Variants in SLC44A5 observed in about 807,000 individuals in gnomAD.
SLC44A5 encodes solute carrier family 44 member 5, also known as choline transporter-like protein 5.
SLC44A5 carries 57 observed loss-of-function variants against 101.8 expected under a neutral mutation model. That is an observed-to-expected ratio of 0.56 (90% CI 0.45 to 0.70). The LOEUF is 0.70. Among genes scored for constraint, SLC44A5 ranks in the 30% least tolerant of loss-of-function variants. The pLI, the probability that SLC44A5 is intolerant of heterozygous loss-of-function variation, is 0.00. For synonymous variants in SLC44A5, 281 were observed against 290.9 expected, an observed-to-expected ratio of 0.97 and a Z score of 0.35; for missense variants, 737 against 853.1, an observed-to-expected ratio of 0.86 and a Z score of 1.70.
intron 1 of SLC44A5, among the ~76,000 whole-genome samples, chr1:75,565,748 T>A (rs1342531053): frequency 6.6e-6 from 1 of 152,222 alleles, no homozygotes; most frequent in African/African-American, 2.4e-5. Flanking sequence ...ATGAGGGTAA[T>A]AATTCCTGCC....
chr1:75,283,713 G>A (rs112418228), intron 5 of SLC44A5, among the ~76,000 whole-genome samples: 8,841 of 151,926 alleles, frequency 0.058, 299 homozygotes, highest in Middle Eastern at 0.12. Context: ...TCTTCTACAT[G>A]TGGCTTACCA....
At chr1:75,420,425 T>G (rs1425397962) in intron 2 of SLC44A5, among the ~76,000 whole-genome samples, 1 of 152,058 alleles carries the variant, frequency 6.6e-6, no homozygotes, top group African/African-American at 2.4e-5. Context: ...TAGGACAAAT[T>G]AATGAATGAA....
Position 75,564,431 on chromosome 1 carries a change from T to C in SLC44A5, c.-69-22915A>G, listed in dbSNP as rs1180124220. Among the ~76,000 whole-genome samples, 3 of 71,074 alleles carry C rather than the reference T, an allele frequency of 4.2e-5. No homozygotes were observed. The Admixed American group carries it at 5.7e-4, about 14-fold the overall frequency. 46.6% of individuals were successfully genotyped at this position (71,074 alleles called of 152,430 possible). A position where few individuals can be genotyped will look rare whatever the true frequency, so the allele number is the denominator to read the frequency against. On this transcript the variant is annotated intron_variant, in intron 1 of 23. Coordinates refer to ENST00000370859, the MANE Select transcript of SLC44A5 (RefSeq NM_001130058.2). ...TCCTCTCATAAGTCCCCCAAAAGGA[T>C]TTTTTTTGCAATCGTTTTTATTTTT...
In SLC44A5 at chr1:75,237,942, G is replaced by A. The variant is rs72682031; in HGVS notation, c.656+571C>T. The stretch of plus-strand genomic sequence containing the variant: ...TGTACACATTTATGTTTGTGCACAT[G>A]TGTGTATGCGTGCACACAGGGAAAT... On this transcript the variant is annotated intron_variant, in intron 10 of 23. Transcript: ENST00000370859. 3.0e-3 allele frequency among the ~76,000 whole-genome samples: 455 copies of A among 152,052 alleles called. 1 individual carries two copies. The highest frequency in any genetic ancestry group is 4.7e-3 in the Admixed American group (72 of 15,224).
At chr1:75,325,939 G>A (rs867854529) in intron 4 of SLC44A5, among the ~76,000 whole-genome samples, 1 of 151,948 alleles carries the variant, frequency 6.6e-6, no homozygotes, top group Non-Finnish European at 1.5e-5. Flanking sequence ...ATAGCCTGAA[G>A]ATAATTTTAT....
intron 2 of SLC44A5, among the ~76,000 whole-genome samples, chr1:75,455,355 A>G (rs1666129862): frequency 2.0e-5 from 3 of 152,156 alleles, no homozygotes; most frequent in Admixed American, 2.0e-4. Flanking sequence ...ACCATAGACA[A>G]AATTTAACTC....
At chr1:75,558,990 G>A (rs1038024115) in intron 1 of SLC44A5, among the ~76,000 whole-genome samples, 4 of 152,038 alleles carry the variant, frequency 2.6e-5, no homozygotes, top group Admixed American at 2.0e-4. Context: ...TGGTAGAAGT[G>A]CAGCTATTGA....
chr1:75,330,370 C>T (rs1360344292), intron 4 of SLC44A5, among the ~76,000 whole-genome samples: 2 of 151,896 alleles, frequency 1.3e-5, no homozygotes, highest in Non-Finnish European at 2.9e-5. Context: ...ATGGCCTTAC[C>T]TCATAATTTA....
intron 2 of SLC44A5, among the ~76,000 whole-genome samples, chr1:75,539,486 C>A (rs543213611): frequency 2.6e-4 from 40 of 152,204 alleles, no homozygotes; most frequent in Non-Finnish European, 4.4e-4. Flanking sequence ...CAAGTGTTGT[C>A]CTATGAGTGA....
intron 2 of SLC44A5, among the ~76,000 whole-genome samples, chr1:75,487,796 G>A (rs975395364): frequency 5.9e-5 from 9 of 152,118 alleles, no homozygotes; most frequent in African/African-American, 2.2e-4. Context: ...ATAGCCCAGG[G>A]GTCCCCAGTC....
Position 75,251,314 on chromosome 1 carries a change from A to T in SLC44A5, c.261-20T>A. The T allele has an allele frequency of 6.3e-7, 1 of 1,582,710 alleles. No homozygotes were observed. Among genetic ancestry groups the T allele is most frequent in the South Asian group, 1.1e-5 (1 of 89,618 alleles). On this transcript the variant is annotated intron_variant, in intron 6 of 23. Coordinates refer to ENST00000370859, the MANE Select transcript of SLC44A5 (RefSeq NM_001130058.2). ...TTGTTCCTGTTAAGAAAGAAAACAT[A>T]ATCTTTTTAGTGACCATGGAAATGT...
intron 5 of SLC44A5, among the ~76,000 whole-genome samples, chr1:75,287,549 T>C (rs1653170211): frequency 6.6e-6 from 1 of 151,844 alleles, no homozygotes; most frequent in Non-Finnish European, 1.5e-5. Flanking sequence ...AGAATTGTTT[T>C]TCTGGTTCCT....
chr1:75,282,342 A>G (rs1442773644), intron 5 of SLC44A5, among the ~76,000 whole-genome samples: 2 of 152,184 alleles, frequency 1.3e-5, no homozygotes, highest in African/African-American at 2.4e-5. Context: ...TATTATATCT[A>G]GGAAGTAATT....
the SLC44A5 span, among the ~76,000 whole-genome samples, chr1:75,711,703 C>T: frequency 3.9e-5 from 6 of 152,280 alleles, no homozygotes; most frequent in East Asian, 5.8e-4. Context: ...GTGACTCAGG[C>T]AAGAGATGTG....
the SLC44A5 span, among the ~76,000 whole-genome samples, chr1:75,667,339 A>G: frequency 6.6e-6 from 1 of 152,204 alleles, no homozygotes; most frequent in African/African-American, 2.4e-5. Context: ...TGCTACTAAG[A>G]GAATAAAATA....
At chr1:75,671,644 C>T in the SLC44A5 span, among the ~76,000 whole-genome samples, 50 of 152,250 alleles carry the variant, frequency 3.3e-4, no homozygotes, top group Non-Finnish European at 7.1e-4. Context: ...CTGGATCACT[C>T]GCTTTAAAAA....
intron 5 of SLC44A5, among the ~76,000 whole-genome samples, chr1:75,289,553 C>G (rs1436714969): frequency 6.6e-6 from 1 of 151,988 alleles, no homozygotes; most frequent in African/African-American, 2.4e-5. Flanking sequence ...TCATAAAGCT[C>G]AAGAAAGTTA....
In SLC44A5 at chr1:75,243,014, G is replaced by A; in HGVS notation, c.346-3C>T. ...TCTGGGCACTTGGAGACACAGATCTGTGAACGAACAAAGTGATGAGAACTG... is the reference window on the plus strand; with the variant it reads ...TCTGGGCACTTGGAGACACAGATCTATGAACGAACAAAGTGATGAGAACTG... On this transcript the variant is annotated splice_polypyrimidine_tract_variant and splice_region_variant and intron_variant, in intron 7 of 23. Coordinates refer to ENST00000370859, the MANE Select transcript of SLC44A5 (RefSeq NM_001130058.2). 1.2e-6 allele frequency: 2 copies of A among 1,609,736 alleles called. No homozygotes were observed. Among genetic ancestry groups the A allele is most frequent in the African/African-American group, 1.3e-5 (1 of 74,756 alleles).
At position 75,544,639 on chromosome 1, in the gene SLC44A5, G is replaced by GA. The variant is rs1671547062; in HGVS notation, c.-69-3124_-69-3123insT. On this transcript the variant is annotated intron_variant, in intron 1 of 23. Transcript: ENST00000370859. ...AAGAATGTTCTCATAAATTAACACAGTATATTTATCAAATCCAAGAATTTA... is the reference window on the plus strand; with the variant it reads ...AAGAATGTTCTCATAAATTAACACAGATATATTTATCAAATCCAAGAATTTA... 1.7e-4 allele frequency among the ~76,000 whole-genome samples: 26 copies of GA among 152,294 alleles called. 1 individual carries two copies. The South Asian group carries it at 5.4e-3, about 32-fold the overall frequency.
Sources: allele counts gnomAD v4.1 joint callset (sites outside exome capture counted in the v4.1 genomes callset), GRCh38; gene constraint gnomAD v4.1.1; transcripts MANE v1.5; gene names NCBI Gene and HGNC (gene_info 2026-07-23, HGNC 2026-07-21).